BLTP3B: variants seen among roughly 807,000 people sequenced by gnomAD.
BLTP3B encodes the protein bridge-like lipid transfer protein family member 3B.
the BLTP3B span, among the ~76,000 whole-genome samples, chr12:100,106,206 T>G: frequency 6.6e-6 from 1 of 150,764 alleles, no homozygotes; most frequent in African/African-American, 2.4e-5. Flanking sequence ...CACTACCGAG[T>G]GGGTACCTAT....
At chr12:100,085,658 G>A in the BLTP3B span, among the ~76,000 whole-genome samples, 5 of 152,118 alleles carry the variant, frequency 3.3e-5, no homozygotes, top group Admixed American at 2.6e-4. Context: ...AAAACTCTAT[G>A]ATCTCTAGTT....
chr12:100,069,665 C>T, the BLTP3B span, among the ~76,000 whole-genome samples: 1 of 151,454 alleles, frequency 6.6e-6, no homozygotes, highest in Non-Finnish European at 1.5e-5. Context: ...TATGAGAATG[C>T]AAAAGCATAA....
At chr12:100,092,824 T>C in the BLTP3B span, 8 of 849,736 alleles carry the variant, frequency 9.4e-6, no homozygotes, top group Non-Finnish European at 9.9e-6. Context: ...AGTATTTATG[T>C]CTATGATGGT....
the BLTP3B span, among the ~76,000 whole-genome samples, chr12:100,088,155 C>T: frequency 6.6e-6 from 1 of 152,024 alleles, no homozygotes; most frequent in Non-Finnish European, 1.5e-5. Flanking sequence ...AGATATAGAT[C>T]CTGATTCAGA....
At chr12:100,062,977 TA>T in the BLTP3B span, among the ~76,000 whole-genome samples, 78 of 140,998 alleles carry the variant, frequency 5.5e-4, no homozygotes, top group Middle Eastern at 3.7e-3. Context: ...GAAAAGAATT[TA>T]AAAAAAAAAA....
At chr12:100,048,735 GGA>G in the BLTP3B span, among the ~76,000 whole-genome samples, 2,359 of 119,394 alleles carry the variant, frequency 0.02, 59 homozygotes, top group African/African-American at 0.073. Flanking sequence ...GTAAGGGGGG[GGA>G]GAGAGAGAGA....
the BLTP3B span, chr12:100,069,908 T>A: frequency 9.7e-7 from 1 of 1,036,028 alleles, no homozygotes. Flanking sequence ...TTTTTAAAAA[T>A]TACTTGTTCA....
chr12:100,135,264 C>CT, the BLTP3B span, among the ~76,000 whole-genome samples: 4 of 141,084 alleles, frequency 2.8e-5, no homozygotes, highest in African/African-American at 1.2e-4. Flanking sequence ...ATATTGCTTT[C>CT]TTTTTTTTCT....
At chr12:100,116,448 C>CAAAAAAAAAAAAA in the BLTP3B span, among the ~76,000 whole-genome samples, 1 of 56,002 alleles carries the variant, frequency 1.8e-5, no homozygotes, top group Non-Finnish European at 3.7e-5. Context: ...GATCCTGTCT[C>CAAAAAAAAAAAAA]AAAAAAAAAA....
At chr12:100,047,949 A>T in the BLTP3B span, 2 of 1,480,512 alleles carry the variant, frequency 1.4e-6, no homozygotes, top group South Asian at 2.8e-5. Flanking sequence ...ATACTTTTAA[A>T]TTTATTTTCG....
the BLTP3B span, among the ~76,000 whole-genome samples, chr12:100,087,244 T>C: frequency 6.7e-6 from 1 of 149,452 alleles, no homozygotes; most frequent in African/African-American, 2.5e-5. Context: ...TATAGTAAAA[T>C]CAAAAGTAGA....
the BLTP3B span, among the ~76,000 whole-genome samples, chr12:100,070,770 G>C: frequency 1.3e-5 from 2 of 152,210 alleles, no homozygotes; most frequent in South Asian, 2.1e-4. Context: ...AAGGAGGTCA[G>C]ATCATTTGAG....
At chr12:100,037,775 G>T in the BLTP3B span, 1 of 1,570,598 alleles carries the variant, frequency 6.4e-7, no homozygotes, top group South Asian at 1.2e-5. Flanking sequence ...TAAATGGCGG[G>T]GGGATAAGAT....
the BLTP3B span, among the ~76,000 whole-genome samples, chr12:100,071,592 A>C: frequency 6.6e-6 from 1 of 152,016 alleles, no homozygotes; most frequent in Non-Finnish European, 1.5e-5. Context: ...AATCATTTTA[A>C]TGTTAGGAAG....
chr12:100,078,011 C>G, the BLTP3B span, among the ~76,000 whole-genome samples: 1 of 152,096 alleles, frequency 6.6e-6, no homozygotes, highest in Non-Finnish European at 1.5e-5. Flanking sequence ...GACCCTGCTC[C>G]TGGGAAGCAA....
chr12:100,071,916 A>G, the BLTP3B span, among the ~76,000 whole-genome samples: 75 of 152,368 alleles, frequency 4.9e-4, no homozygotes, highest in African/African-American at 1.8e-3. Flanking sequence ...ATTCTTTAAC[A>G]AACAGCTATT....
chr12:100,112,005 G>T, the BLTP3B span, among the ~76,000 whole-genome samples: 1 of 151,912 alleles, frequency 6.6e-6, no homozygotes, highest in Non-Finnish European at 1.5e-5. Flanking sequence ...GCCTCCCAAA[G>T]TGCTGGGATT....
chr12:100,130,955 T>C, the BLTP3B span, among the ~76,000 whole-genome samples: 202 of 136,534 alleles, frequency 1.5e-3, 5 homozygotes, highest in African/African-American at 5.1e-3. Flanking sequence ...CATACATATA[T>C]ATATATAGAG....
the BLTP3B span, among the ~76,000 whole-genome samples, chr12:100,087,803 G>C: frequency 6.6e-6 from 1 of 152,314 alleles, no homozygotes; most frequent in Admixed American, 6.5e-5. Context: ...AGTGAGGAAT[G>C]TAAGGCCTTA....
Sources: gnomAD v4.1 joint callset for allele counts (sites outside exome capture counted in the v4.1 genomes callset) on GRCh38, gnomAD v4.1.1 for gene constraint, MANE v1.5 for transcripts, NCBI Gene and HGNC (gene_info 2026-07-23, HGNC 2026-07-21) for gene names.